WIPF3: variants seen among roughly 807,000 people sequenced by gnomAD.
The protein encoded by WIPF3 is WAS/WASL interacting protein family member 3.
Under a neutral mutation model 38.9 loss-of-function variants are expected in WIPF3, and 33 were observed. The observed-to-expected ratio is 0.85, with a 90% CI of 0.64 to 1.14. WIPF3 has a LOEUF of 1.14. WIPF3 is among the 50% of genes most tolerant of loss of function. The pLI, the probability that WIPF3 is intolerant of heterozygous loss-of-function variation, is 0.00. For synonymous variants in WIPF3, 324 were observed against 269.3 expected, an observed-to-expected ratio of 1.20 and a Z score of -1.99; for missense variants, 711 against 652.5, an observed-to-expected ratio of 1.09 and a Z score of -0.98.
At chr7:29,814,422 C>T (rs1784426571) in intron 1 of WIPF3, among the ~76,000 whole-genome samples, 1 of 152,130 alleles carries the variant, frequency 6.6e-6, no homozygotes, top group Admixed American at 6.5e-5. Flanking sequence ...ACCTGCTACT[C>T]GTGTTTATAG....
intron 8 of WIPF3, among the ~76,000 whole-genome samples, chr7:29,910,883 T>C (rs1189193066): frequency 5.9e-5 from 9 of 152,322 alleles, no homozygotes; most frequent in African/African-American, 2.2e-4. Context: ...CTTTCATCGC[T>C]TCTATTCAAC....
At chr7:29,815,395 G>C (rs1255260298) in intron 1 of WIPF3, among the ~76,000 whole-genome samples, 2 of 152,218 alleles carry the variant, frequency 1.3e-5, no homozygotes, top group Non-Finnish European at 2.9e-5. Context: ...TTTGCCTGCG[G>C]ACATAGAAGG....
intron 2 of WIPF3, among the ~76,000 whole-genome samples, chr7:29,862,300 T>C (rs1368480760): frequency 3.3e-5 from 5 of 152,158 alleles, no homozygotes. Context: ...TGCTCCTTCT[T>C]TTTCCTAGGG....
chr7:29,824,906 G>T (rs1366949535), intron 1 of WIPF3, among the ~76,000 whole-genome samples: 2 of 152,146 alleles, frequency 1.3e-5, no homozygotes, highest in African/African-American at 2.4e-5. Flanking sequence ...TGGAACAGTA[G>T]GAATAAGGTT....
intron 3 of WIPF3, among the ~76,000 whole-genome samples, chr7:29,876,679 TAGAA>T (rs1474731840): frequency 6.6e-6 from 1 of 152,262 alleles, no homozygotes; most frequent in East Asian, 1.9e-4. Flanking sequence ...AACTCAGTGA[TAGAA>T]AGTGAAGGGC....
chr7:29,859,624 A>G (rs979371413), intron 2 of WIPF3, among the ~76,000 whole-genome samples: 22 of 152,198 alleles, frequency 1.4e-4, no homozygotes, highest in Non-Finnish European at 2.8e-4. Flanking sequence ...TGACCCTGAG[A>G]CACAAGCTCC....
chr7:29,848,903 C>T (rs1785045958), intron 2 of WIPF3, among the ~76,000 whole-genome samples: 1 of 151,934 alleles, frequency 6.6e-6, no homozygotes, highest in South Asian at 2.1e-4. Flanking sequence ...AACAATTTTT[C>T]ATAGTAAAAA....
In WIPF3 at chr7:29,864,830, G is replaced by A. The variant is rs562184374; in HGVS notation, c.91-11000G>A. Reference sequence around the variant, plus strand: ...TCTTAGACGTTCTCTTGCTCAGAATGTGTTCCATTCTTTTCTAATTTGAAC... The same window carrying A: ...TCTTAGACGTTCTCTTGCTCAGAATATGTTCCATTCTTTTCTAATTTGAAC... On this transcript the variant is annotated intron_variant, in intron 2 of 8. Transcript: ENST00000242140. 2.0e-5 allele frequency among the ~76,000 whole-genome samples: 3 copies of A among 152,268 alleles called. No individual in the cohort carries two copies. In the South Asian group the frequency reaches 6.2e-4, roughly 32 times the overall value.
chr7:29,915,077 A>ATTTTT lies in WIPF3; in HGVS notation c.*586_*590dup. 3.4e-5 allele frequency: 2 copies of ATTTTT among 59,400 alleles called. 1 individual carries two copies. Among genetic ancestry groups the ATTTTT allele is most frequent in the African/African-American group, 1.4e-4 (2 of 14,096 alleles). 3.7% of individuals were successfully genotyped at this position (59,400 alleles called of 1,614,324 possible). ...TCGCTTCCATTTTGCAGTACAGGGA[A>ATTTTT]TTTTTTTTTTTTTTTTTTTTTTTTT... On this transcript the variant is annotated 3_prime_UTR_variant, in exon 9 of 9. Transcript: ENST00000242140.
chr7:29,834,751 T>G lies in WIPF3; in HGVS notation c.27T>G (p.Pro9=). ...TGCCAGTGCCACCGCCACCCCCACC[T>G]CCTCTGCCTCCACCTCCCCCGCCTC... MPVPPPPP[P]PLPPPPPPLG... Residue 9 remains proline (P), a synonymous_variant, in exon 2 of 9, where the codon CCT becomes CCG. Coordinates refer to ENST00000242140, the MANE Select transcript of WIPF3 (RefSeq NM_001080529.3). 1.8e-6 allele frequency: 2 copies of G among 1,083,728 alleles called. No homozygotes were observed. Among genetic ancestry groups the G allele is most frequent in the Non-Finnish European group, 1.2e-6 (1 of 856,268 alleles). 67.1% of individuals were successfully genotyped at this position (1,083,728 alleles called of 1,614,324 possible). A position where few individuals can be genotyped will look rare whatever the true frequency, so the allele number is the denominator to read the frequency against.
At chr7:29,872,117 G>T (rs933904001) in intron 2 of WIPF3, among the ~76,000 whole-genome samples, 3 of 152,196 alleles carry the variant, frequency 2.0e-5, no homozygotes, top group African/African-American at 7.2e-5. Context: ...CGTGGGAAAA[G>T]TGTCCAGGAA....
At chr7:29,822,123 G>T (rs372107462) in intron 1 of WIPF3, among the ~76,000 whole-genome samples, 297 of 62,592 alleles carry the variant, frequency 4.7e-3, no homozygotes, top group Middle Eastern at 0.014. Flanking sequence ...TTTTTTCTTA[G>T]TTTTTTTTTT....
At chr7:29,818,540 A>G (rs1784490968) in intron 1 of WIPF3, among the ~76,000 whole-genome samples, 1 of 148,506 alleles carries the variant, frequency 6.7e-6, no homozygotes, top group Non-Finnish European at 1.5e-5. Context: ...ATATAATATT[A>G]TATATAATAT....
chr7:29,902,742 G>A (rs1786312475), intron 7 of WIPF3, among the ~76,000 whole-genome samples: 1 of 151,840 alleles, frequency 6.6e-6, no homozygotes, highest in Non-Finnish European at 1.5e-5. Flanking sequence ...TCAGGAGGCT[G>A]AGGAATCAGA....
chr7:29,844,378 T>C lies in WIPF3; in HGVS notation c.90+9564T>C, dbSNP rs1784966127. ...ATAATGCTTCATAATAACAGGCATC[T>C]ACTAAATAGCTATTGTGCCCCCAAG... On this transcript the variant is annotated intron_variant, in intron 2 of 8. Coordinates refer to ENST00000242140, the MANE Select transcript of WIPF3 (RefSeq NM_001080529.3). This position sits in a 1 kb window ranked among gnomAD's most constrained non-coding sequence, Gnocchi z 4.8. Among the ~76,000 whole-genome samples, 1 of 152,248 alleles carries C rather than the reference T, an allele frequency of 6.6e-6. No individual in the cohort carries two copies. Among genetic ancestry groups the C allele is most frequent in the Non-Finnish European group, 1.5e-5 (1 of 68,040 alleles).
intron 7 of WIPF3, 34 bp from the exon 8 acceptor site, chr7:29,904,252 C>A: frequency 6.2e-7 from 1 of 1,608,006 alleles, no homozygotes; most frequent in Non-Finnish European, 8.5e-7. Context: ...GTCCCTGGGC[C>A]AATAGATAAT....
chr7:29,875,639 T>C (rs534911717), intron 2 of WIPF3, among the ~76,000 whole-genome samples, 191 bp from the exon 3 acceptor site: 3 of 151,734 alleles, frequency 2.0e-5, no homozygotes, highest in Admixed American at 6.6e-5. Context: ...AAATAAAGAG[T>C]CCCTTCTAGG....
intron 7 of WIPF3, among the ~76,000 whole-genome samples, chr7:29,890,696 G>A (rs573074958): frequency 9.9e-5 from 15 of 151,354 alleles, no homozygotes; most frequent in African/African-American, 2.7e-4. Flanking sequence ...GGTGGAGGGC[G>A]CGTGGACCTG....
chr7:29,834,594 G>A, intron 1 of WIPF3, 74 bp from the exon 2 acceptor site: 3 of 1,261,926 alleles, frequency 2.4e-6, no homozygotes, highest in Non-Finnish European at 3.1e-6. Context: ...TAATATGCAT[G>A]TCTGCAAGAT....
Sources: gnomAD v4.1 joint callset for allele counts (sites outside exome capture counted in the v4.1 genomes callset) on GRCh38, gnomAD v4.1.1 for gene constraint, Gnocchi (gnomAD v3.1) non-coding constraint, MANE v1.5 for transcripts, NCBI Gene and HGNC (gene_info 2026-07-23, HGNC 2026-07-21) for gene names.